The following DAAM2 variants were observed in gnomAD, a reference collection of about 807,000 sequenced individuals.
The protein encoded by DAAM2 is disheveled-associated activator of morphogenesis 2.
A neutral mutation model predicts 120.7 loss-of-function variants in DAAM2; 39 were observed. The observed-to-expected ratio is 0.32, with a 90% CI of 0.25 to 0.42. The LOEUF (loss-of-function observed/expected upper bound fraction) is 0.42, where lower values mean the gene tolerates loss of function less well. DAAM2 is among the 10% of genes least tolerant of loss of function. The pLI is 1.00. For missense variants in DAAM2, 1,283 were observed against 1,401.7 expected (o/e 0.92, Z 1.35); for synonymous variants, 488 against 524.9 (o/e 0.93, Z 0.96).
At chr6:39,846,080 A>G (rs1172825104) in intron 1 of DAAM2, among the ~76,000 whole-genome samples, 4 of 152,142 alleles carry the variant, frequency 2.6e-5, no homozygotes, top group Non-Finnish European at 4.4e-5. Flanking sequence ...GCGTTTTAGA[A>G]AAAGGTGCTG....
intron 11 of DAAM2, among the ~76,000 whole-genome samples, chr6:39,877,031 TCACTGGC>T (rs1764902216): frequency 1.3e-5 from 2 of 152,234 alleles, no homozygotes. Context: ...AAAACCCAGC[TCACTGGC>T]CATGCAAGAT....
Position 39,902,134 on chromosome 6 carries a change from G to T in DAAM2, c.*97G>T, listed in dbSNP as rs998074797. 21 of 1,122,024 alleles carry T rather than the reference G, an allele frequency of 1.9e-5. No individual in the cohort carries two copies. The highest frequency in any genetic ancestry group is 2.4e-5 in the Non-Finnish European group (19 of 800,430). The allele number at this position is 1,122,024 out of a possible 1,614,324, so 69.5% of individuals were successfully genotyped here. ...TGATATTTAAACCATTTGGTGCTTG[G>T]TTTAGAGCCTTGGGCTGGGTCCTGG... On this transcript the variant is annotated 3_prime_UTR_variant, in exon 25 of 25. Transcript: ENST00000274867.
intron 1 of DAAM2, among the ~76,000 whole-genome samples, chr6:39,804,222 G>A (rs1166118057): frequency 6.6e-6 from 1 of 152,162 alleles, no homozygotes; most frequent in Non-Finnish European, 1.5e-5. Context: ...CTGACGAGGT[G>A]AGCTTCTTTT....
At chr6:39,869,390 G>A (rs1257150844) in intron 7 of DAAM2, among the ~76,000 whole-genome samples, 1 of 152,122 alleles carries the variant, frequency 6.6e-6, no homozygotes, top group African/African-American at 2.4e-5. Context: ...TTTGAGACCA[G>A]TCTGGTCAAC....
At chr6:39,800,342 G>A (rs1185492772) in intron 1 of DAAM2, among the ~76,000 whole-genome samples, 1 of 152,166 alleles carries the variant, frequency 6.6e-6, no homozygotes, top group African/African-American at 2.4e-5. Flanking sequence ...TCAGGCATCA[G>A]GCCCCTATGA....
At position 39,860,902 on chromosome 6, in the gene DAAM2, C is replaced by T. The variant is rs367952853; in HGVS notation, c.169-26C>T. On this transcript the variant is annotated intron_variant, in intron 2 of 24. Coordinates refer to ENST00000274867, the MANE Select transcript of DAAM2 (RefSeq NM_001201427.2). ...AATCTCAACCATCCCTAGTGTCAGA[C>T]GTATTTTTTCTTATTGTCTTTGCAG... is the stretch of plus-strand genomic sequence containing the variant. 9.4e-5 allele frequency: 149 copies of T among 1,581,306 alleles called. 1 individual carries two copies. In the South Asian group the frequency reaches 1.5e-3, roughly 15 times the overall value.
Position 39,901,332 on chromosome 6 carries a change from C to T in DAAM2, c.2842C>T (p.His948Tyr). The T allele has an allele frequency of 6.2e-7, 1 of 1,613,956 alleles. No individual in the cohort carries two copies. The highest frequency in any genetic ancestry group is 8.5e-7 in the Non-Finnish European group (1 of 1,179,852). Residue 948 changes from histidine to tyrosine, a missense_variant, in exon 24 of 25, where the codon CAT becomes TAT. Transcript: ENST00000274867. This position sits in a 1 kb window ranked among gnomAD's most constrained non-coding sequence, Gnocchi z 4.5. ...CAAGGCCTTGATGCACTTCGGGGAG[C>T]ATGACAGCAAGATGCAGCCAGACGA... ...FAKALMHFGE[H>Y]DSKMQPDEFF...
At chr6:39,816,770 T>G (rs553150542) in intron 1 of DAAM2, among the ~76,000 whole-genome samples, 9 of 152,240 alleles carry the variant, frequency 5.9e-5, no homozygotes, top group African/African-American at 2.2e-4. Context: ...TGTGACTGCT[T>G]TTTCTCAAAG....
chr6:39,854,349 G>A (rs749718288), intron 1 of DAAM2, among the ~76,000 whole-genome samples: 12 of 152,144 alleles, frequency 7.9e-5, no homozygotes, highest in South Asian at 2.1e-4. Context: ...CTATAGAAAT[G>A]GGGATGGCTG....
chr6:39,815,898 T>C (rs1327811083), intron 1 of DAAM2, among the ~76,000 whole-genome samples: 2 of 152,334 alleles, frequency 1.3e-5, no homozygotes, highest in Non-Finnish European at 2.9e-5. Flanking sequence ...TGTTGAGTAA[T>C]TCAGCTGTCT....
intron 8 of DAAM2, among the ~76,000 whole-genome samples, chr6:39,870,958 C>G (rs1400155537): frequency 2.0e-5 from 3 of 152,140 alleles, no homozygotes; most frequent in African/African-American, 7.2e-5. Flanking sequence ...TTTTAAGGGA[C>G]AGAGGATGGA....
intron 5 of DAAM2, 24 bp downstream of exon 5, chr6:39,865,098 T>A: frequency 7.3e-7 from 1 of 1,370,708 alleles, no homozygotes; most frequent in Non-Finnish European, 1.0e-6. Context: ...CCCCTCTTGC[T>A]TCCTGCTGAG....
intron 19 of DAAM2, among the ~76,000 whole-genome samples, chr6:39,894,387 G>A (rs1213708499): frequency 6.6e-6 from 1 of 152,008 alleles, no homozygotes; most frequent in African/African-American, 2.4e-5. Context: ...AACTATTTTT[G>A]AAACATAACA....
intron 14 of DAAM2, among the ~76,000 whole-genome samples, chr6:39,880,996 G>A (rs1286009714): frequency 1.3e-5 from 2 of 152,182 alleles, no homozygotes; most frequent in Non-Finnish European, 2.9e-5. Flanking sequence ...TTGTATTGTG[G>A]TAAAAAGAGA....
chr6:39,842,827 A>C lies in DAAM2; in HGVS notation c.-56-13420A>C, dbSNP rs190349855. ...GGCATCTGCAGTGGGGATGGATGAG[A>C]GAAGAGGGGGAGGAAGCAGGGGAGG... On this transcript the variant is annotated intron_variant, in intron 1 of 24. Coordinates refer to ENST00000274867, the MANE Select transcript of DAAM2 (RefSeq NM_001201427.2). Among the ~76,000 whole-genome samples the C allele has an allele frequency of 2.0e-3, 295 of 149,574 alleles. 2 individuals carry two copies. Among genetic ancestry groups the C allele is most frequent in the African/African-American group, 7.0e-3 (284 of 40,458 alleles).
Position 39,901,101 on chromosome 6 carries a change from CTT to C in DAAM2, c.2812-199_2812-198del, listed in dbSNP as rs1766452288. 6.6e-6 allele frequency among the ~76,000 whole-genome samples: 1 copy of C among 152,128 alleles called. No individual in the cohort carries two copies. Among genetic ancestry groups the C allele is most frequent in the South Asian group, 2.1e-4 (1 of 4,828 alleles). On this transcript the variant is annotated intron_variant, in intron 23 of 24. Coordinates refer to ENST00000274867, the MANE Select transcript of DAAM2 (RefSeq NM_001201427.2). The surrounding 1 kb of genome is among the most constrained non-coding windows in gnomAD (Gnocchi z 4.5). ...TAAGGTGGACTGAGTGAGCCCAACT[CTT>C]TACCTGCCTCTCCTTAGCCTTGTCT...
rs115705907 is a variant in DAAM2 at position 39,847,987 on chromosome 6, G to A, written c.-56-8260G>A. Among the ~76,000 whole-genome samples the A allele has an allele frequency of 5.3e-3, 810 of 152,256 alleles. 3 individuals are homozygous for A. Among genetic ancestry groups the A allele is most frequent in the African/African-American group, 0.019 (777 of 41,524 alleles). ...CCCACTGCACCTTTTTGAGCCCTGA[G>A]AGGTGCAGTGGAACCACCCTAGTAG... is the stretch of plus-strand genomic sequence containing the variant. On this transcript the variant is annotated intron_variant, in intron 1 of 24. Transcript: ENST00000274867.
intron 3 of DAAM2, among the ~76,000 whole-genome samples, chr6:39,864,101 C>T (rs796364355): frequency 3.3e-5 from 5 of 152,240 alleles, no homozygotes; most frequent in African/African-American, 1.2e-4. Flanking sequence ...TTAGATTCAA[C>T]AGCCAGGAAA....
chr6:39,901,970 G>T lies in DAAM2; in HGVS notation c.3140G>T (p.Arg1047Leu). The change falls in exon 25 of 25, where the codon CGC (arginine) becomes CTC (leucine). Residue 1047 changes from arginine (R) to leucine (L), a missense_variant. Physicochemically the swap from Arg to Leu is moderately radical, Grantham distance 102. Around this residue, in one of 3 missense-constraint regions of DAAM2, gnomAD observed 748 missense variants for 768.6 expected, o/e 0.97. Coordinates refer to ENST00000274867, the MANE Select transcript of DAAM2 (RefSeq NM_001201427.2). The surrounding 1 kb of genome is among the most constrained non-coding windows in gnomAD (Gnocchi z 4.5). ...GACTTATGCAAGCTCAAGCGCAGCC[G>T]CAAGCGATCAGGGAGCCAGGCCCTG... ...DKDLCKLKRS[R>L]KRSGSQALEV... 6.2e-7 allele frequency: 1 copy of T among 1,612,104 alleles called. No homozygotes were observed. Among genetic ancestry groups the T allele is most frequent in the Non-Finnish European group, 8.5e-7 (1 of 1,178,468 alleles).
Sources: gnomAD v4.1 joint callset for allele counts (sites outside exome capture counted in the v4.1 genomes callset) on GRCh38, gnomAD v4.1.1 for gene constraint, gnomAD v4.1.1 regional missense constraint, Gnocchi (gnomAD v3.1) non-coding constraint, MANE v1.5 for transcripts, NCBI Gene and HGNC (gene_info 2026-07-23, HGNC 2026-07-21) for gene names.